The following AKT2 variants were observed in gnomAD, a reference collection of about 807,000 sequenced individuals.
AKT2 encodes AKT serine/threonine kinase 2, also known as RAC-beta serine/threonine-protein kinase.
Under a neutral mutation model 58.6 loss-of-function variants are expected in AKT2, and 16 were observed. The ratio of observed to expected loss-of-function variants is 0.27; its 90% CI spans 0.18 to 0.41. AKT2 has a LOEUF of 0.41. AKT2 is among the 10% of genes least tolerant of loss of function. The pLI is 1.00. For synonymous variants in AKT2, 253 were observed against 254.0 expected, an observed-to-expected ratio of 1.00 and a Z score of 0.04; for missense variants, 438 against 661.0, an observed-to-expected ratio of 0.66 and a Z score of 3.70.
At chr19:40,260,020 G>A (rs1975821788) in intron 2 of AKT2, among the ~76,000 whole-genome samples, 1 of 152,150 alleles carries the variant, frequency 6.6e-6, no homozygotes, top group South Asian at 2.1e-4. Context: ...GGGCGTGGTG[G>A]CACATGCCTA....
At position 40,233,687 on chromosome 19, in the gene AKT2, A is replaced by AG. The variant is rs1973833490; in HGVS notation, c.*184dup. On this transcript the variant is annotated 3_prime_UTR_variant, in exon 14 of 14. Coordinates refer to ENST00000392038, the MANE Select transcript of AKT2 (RefSeq NM_001626.6). This position sits in a 1 kb window ranked among gnomAD's most constrained non-coding sequence, Gnocchi z 4.3. ...AGTCTGGGCACAAAGGTGAGGCTGG[A>AG]GGCTGGAGGCAGGGGCTGCAGGGGC... 1 of 724,924 alleles carries AG rather than the reference A, an allele frequency of 1.4e-6. No homozygotes were observed. Among genetic ancestry groups the AG allele is most frequent in the African/African-American group, 2.1e-5 (1 of 48,306 alleles). 44.9% of individuals were successfully genotyped at this position (724,924 alleles called of 1,614,324 possible). A position where few individuals can be genotyped will look rare whatever the true frequency, so the allele number is the denominator to read the frequency against.
chr19:40,235,399 G>A lies in AKT2; in HGVS notation c.1176-49C>T, dbSNP rs76653022. On this transcript the variant is annotated intron_variant, in intron 11 of 13. Coordinates refer to ENST00000392038, the MANE Select transcript of AKT2 (RefSeq NM_001626.6). The surrounding 1 kb of genome is among the most constrained non-coding windows in gnomAD (Gnocchi z 6.3). ...CCTGCCTCCCGGAGCAGCTGGGTTC[G>A]GGCAGACGGGCTTTCGGAGCAGGCA... The A allele has an allele frequency of 2.0e-3, 3,206 of 1,578,576 alleles. 35 individuals are homozygous for A. The African/African-American group carries it at 0.032, about 16-fold the overall frequency.
At chr19:40,260,324 G>T (rs1050071036) in intron 2 of AKT2, among the ~76,000 whole-genome samples, 2 of 151,172 alleles carry the variant, frequency 1.3e-5, no homozygotes, top group African/African-American at 4.9e-5. Context: ...TCTTCAAAAA[G>T]TTAAATATAG....
chr19:40,265,037 C>T (rs1976244267), intron 2 of AKT2, among the ~76,000 whole-genome samples, 185 bp downstream of exon 2: 1 of 152,216 alleles, frequency 6.6e-6, no homozygotes, highest in African/African-American at 2.4e-5. Context: ...CAGATCCCTG[C>T]TCTCCTGCCC....
intron 1 of AKT2, chr19:40,282,235 C>A (rs753985009): frequency 1.2e-5 from 4 of 323,646 alleles, no homozygotes; most frequent in Non-Finnish European, 2.4e-5. Context: ...AGGCACCATT[C>A]TAGGAGCTTC....
chr19:40,249,170 C>T (rs1056886253), intron 4 of AKT2, among the ~76,000 whole-genome samples: 3 of 152,152 alleles, frequency 2.0e-5, no homozygotes, highest in African/African-American at 7.2e-5. Flanking sequence ...CACAGGAAGT[C>T]GCTGAAGGGT....
intron 4 of AKT2, among the ~76,000 whole-genome samples, chr19:40,252,261 C>T (rs1169370489): frequency 4.6e-5 from 7 of 152,174 alleles, no homozygotes; most frequent in Non-Finnish European, 2.9e-5. Context: ...CTGGTTCACC[C>T]CCTCCACCCA....
chr19:40,282,248 G>T, intron 1 of AKT2: 1 of 321,590 alleles, frequency 3.1e-6, no homozygotes, highest in South Asian at 2.3e-5. Context: ...GGAGCTTCTC[G>T]TGGATTAATT....
At chr19:40,281,655 T>C (rs567254569) in intron 1 of AKT2, among the ~76,000 whole-genome samples, 1 of 152,328 alleles carries the variant, frequency 6.6e-6, no homozygotes, top group East Asian at 1.9e-4. Flanking sequence ...CGACCTCTGT[T>C]TCTGCATCTG....
chr19:40,234,826 C>T lies in AKT2; in HGVS notation c.1366+219G>A, dbSNP rs957368431. The T allele has an allele frequency of 3.1e-6, 2 of 645,024 alleles. No homozygotes were observed. Among genetic ancestry groups the T allele is most frequent in the South Asian group, 1.8e-5 (1 of 57,134 alleles). The allele number at this position is 645,024 out of a possible 1,614,324, so 40.0% of individuals were successfully genotyped here. A position where few individuals can be genotyped will look rare whatever the true frequency, so the allele number is the denominator to read the frequency against. ...CGGGCTGCCTCCTGCCCTGAGCCCC[C>T]CGACTGAGCTCCAGAACGTGCTGCA... On this transcript the variant is annotated intron_variant, in intron 13 of 13. Coordinates refer to ENST00000392038, the MANE Select transcript of AKT2 (RefSeq NM_001626.6). This position sits in a 1 kb window ranked among gnomAD's most constrained non-coding sequence, Gnocchi z 4.7.
At chr19:40,248,714 G>A (rs112637144) in intron 4 of AKT2, among the ~76,000 whole-genome samples, 1 of 152,204 alleles carries the variant, frequency 6.6e-6, no homozygotes, top group African/African-American at 2.4e-5. Flanking sequence ...CCAACAGAGA[G>A]GAGTGGAGGA....
At position 40,242,354 on chromosome 19, in the gene AKT2, C is replaced by T; in HGVS notation, c.441+180G>A. Reference sequence around the variant, plus strand: ...TGGGTCCACCCAAGGTTGCTCCCTCCCCTACGGGCATGGAGCACACCCTAG... The same window carrying T: ...TGGGTCCACCCAAGGTTGCTCCCTCTCCTACGGGCATGGAGCACACCCTAG... On this transcript the variant is annotated intron_variant, in intron 5 of 13. Transcript: ENST00000392038. The surrounding 1 kb of genome is among the most constrained non-coding windows in gnomAD (Gnocchi z 4.3). 1 of 1,052,880 alleles carries T rather than the reference C, an allele frequency of 9.5e-7. No individual in the cohort carries two copies. The highest frequency in any genetic ancestry group is 1.4e-5 in the South Asian group (1 of 73,662). 65.2% of individuals were successfully genotyped at this position (1,052,880 alleles called of 1,614,324 possible). A position where few individuals can be genotyped will look rare whatever the true frequency, so the allele number is the denominator to read the frequency against.
chr19:40,283,999 C>A (rs748861755), intron 1 of AKT2, among the ~76,000 whole-genome samples: 3 of 152,134 alleles, frequency 2.0e-5, no homozygotes, highest in Non-Finnish European at 4.4e-5. Context: ...GTTCCTGGAC[C>A]CTTCACATCC....
chr19:40,251,900 G>A (rs916872601), intron 4 of AKT2, among the ~76,000 whole-genome samples: 8 of 152,236 alleles, frequency 5.3e-5, no homozygotes, highest in African/African-American at 1.9e-4. Flanking sequence ...ACAACCAGAT[G>A]AAGCAGACAC....
At position 40,231,763 on chromosome 19, in the gene AKT2, G is replaced by A. The variant is rs966839309; in HGVS notation, c.*2109C>T. The A allele has an allele frequency of 8.6e-6, 2 of 233,468 alleles. No individual in the cohort carries two copies. The highest frequency in any genetic ancestry group is 8.5e-6 in the Non-Finnish European group (1 of 118,298). The allele number at this position is 233,468 out of a possible 1,614,324, so 14.5% of individuals were successfully genotyped here. ...CATCCAGGCTAAAGGGCAGTGACTA[G>A]GGGAGGGCTGACCCCAAGCTGAACA... On this transcript the variant is annotated 3_prime_UTR_variant, in exon 14 of 14. Transcript: ENST00000392038.
chr19:40,235,860 G>A lies in AKT2; in HGVS notation c.1175+30C>T, dbSNP rs547100146. ...AGGGACAGTGGCAGCAGCTGGCGCT[G>A]GGCTGGGTGGGGCCGACGCCAGCCC... is the stretch of plus-strand genomic sequence containing the variant. On this transcript the variant is annotated intron_variant, in intron 11 of 13. Transcript: ENST00000392038. The surrounding 1 kb of genome is among the most constrained non-coding windows in gnomAD (Gnocchi z 6.3). 1.3e-6 allele frequency: 2 copies of A among 1,588,728 alleles called. No homozygotes were observed. The highest frequency in any genetic ancestry group is 8.5e-7 in the Non-Finnish European group (1 of 1,170,470).
intron 9 of AKT2, 46 bp from the exon 10 acceptor site, chr19:40,236,431 C>T: frequency 4.3e-6 from 7 of 1,613,150 alleles, no homozygotes; most frequent in Non-Finnish European, 5.9e-6. Context: ...CCCAAGGCTT[C>T]CTGCCACCCC....
In AKT2 at chr19:40,239,980, G is replaced by GCT. The variant is rs749834713; in HGVS notation, c.639+63_639+64dup. On this transcript the variant is annotated intron_variant, in intron 7 of 13. Transcript: ENST00000392038. ...CTGTGCTTTGTACCAGAAGATTAGG[G>GCT]CTCTCTCTCTGAGCTCTGTCCAAAG... The GCT allele has an allele frequency of 9.0e-6, 14 of 1,556,180 alleles. No individual in the cohort carries two copies. The East Asian group carries it at 1.8e-4, about 20-fold the overall frequency.
At chr19:40,274,387 A>G (rs1410808107) in intron 1 of AKT2, 1 of 153,214 alleles carries the variant, frequency 6.5e-6, no homozygotes, top group African/African-American at 2.4e-5. Flanking sequence ...CATTCCACAA[A>G]TATCACAACA....
Sources: gnomAD v4.1 joint callset for allele counts (sites outside exome capture counted in the v4.1 genomes callset) on GRCh38, gnomAD v4.1.1 for gene constraint, Gnocchi (gnomAD v3.1) non-coding constraint, MANE v1.5 for transcripts, NCBI Gene and HGNC (gene_info 2026-07-23, HGNC 2026-07-21) for gene names.